Variants in RABGAP1 observed in about 807,000 individuals in gnomAD.
RABGAP1 encodes RAB GTPase activating protein 1.
Under a neutral mutation model 137.6 loss-of-function variants are expected in RABGAP1, and 23 were observed. The ratio of observed to expected loss-of-function variants is 0.17; its 90% confidence interval spans 0.12 to 0.24. The LOEUF is 0.24. Among genes scored for constraint, RABGAP1 ranks in the 10% least tolerant of loss-of-function variants. The probability of loss-of-function intolerance (pLI) is 1.00; values close to 1 mark genes in which losing one functional copy is unlikely to be tolerated. For missense variants in RABGAP1, 906 were observed against 1,275.8 expected, an observed-to-expected ratio of 0.71 and a Z score of 4.42; for synonymous variants, 451 against 450.7, an observed-to-expected ratio of 1.00 and a Z score of -0.01.
chr9:123,001,442 G>T (rs1195093821), intron 10 of RABGAP1, among the ~76,000 whole-genome samples: 1 of 152,150 alleles, frequency 6.6e-6, no homozygotes, highest in Non-Finnish European at 1.5e-5. Context: ...TCGATAGCAA[G>T]AATTTTGATT....
intron 19 of RABGAP1, among the ~76,000 whole-genome samples, chr9:123,081,400 C>T (rs368014357): frequency 1.3e-5 from 2 of 152,098 alleles, no homozygotes; most frequent in East Asian, 3.9e-4. Flanking sequence ...CCTCACATGC[C>T]AGTCTAGGAA....
upstream of RABGAP1, among the ~76,000 whole-genome samples, chr9:122,936,639 C>A (rs1426103471): frequency 6.6e-6 from 1 of 152,150 alleles, no homozygotes; most frequent in African/African-American, 2.4e-5. Flanking sequence ...TACTGGCTGT[C>A]GACACTCTGG....
intron 25 of RABGAP1, 71 bp from the exon 26 acceptor site, chr9:123,103,020 G>T: frequency 6.4e-7 from 1 of 1,551,340 alleles, no homozygotes; most frequent in Non-Finnish European, 8.7e-7. Flanking sequence ...TTCTTGTCTT[G>T]GTTCTCCTCT....
At chr9:122,952,827 A>G (rs1834321712) in intron 1 of RABGAP1, among the ~76,000 whole-genome samples, 1 of 152,154 alleles carries the variant, frequency 6.6e-6, no homozygotes, top group African/African-American at 2.4e-5. Flanking sequence ...ACTTCTATAA[A>G]AGGAGGAGAC....
intron 1 of RABGAP1, among the ~76,000 whole-genome samples, chr9:122,954,600 T>TGG (rs1293794515): frequency 6.6e-6 from 1 of 152,162 alleles, no homozygotes; most frequent in Non-Finnish European, 1.5e-5. Flanking sequence ...TAGACCACTT[T>TGG]CCCAGGCCCT....
chr9:123,035,516 G>A (rs375632888), intron 13 of RABGAP1: 10 of 1,613,512 alleles, frequency 6.2e-6, no homozygotes, highest in East Asian at 2.2e-5. Context: ...GGACTAAAGC[G>A]CCTCTCAGGG....
chr9:123,043,760 T>A (rs572958011), intron 13 of RABGAP1, among the ~76,000 whole-genome samples: 1 of 152,100 alleles, frequency 6.6e-6, no homozygotes, highest in Admixed American at 6.5e-5. Flanking sequence ...TATTCAGAAG[T>A]ATGAATTAAA....
Position 122,964,589 on chromosome 9 carries a change from A to G in RABGAP1, c.150+7380A>G, listed in dbSNP as rs541036721. 3.9e-5 allele frequency among the ~76,000 whole-genome samples: 6 copies of G among 152,334 alleles called. No homozygotes were observed. In the East Asian group the frequency reaches 1.2e-3, roughly 29 times the overall value. ...GGAACATTTCAACCTGATAAAGGAC[A>G]TTTACAGAAAGCTCACAGGTAAAAT... is the stretch of plus-strand genomic sequence containing the variant. On this transcript the variant is annotated intron_variant, in intron 2 of 25. Transcript: ENST00000373647.
chr9:123,069,803 GA>G (rs1295817896), intron 14 of RABGAP1, among the ~76,000 whole-genome samples: 1 of 152,068 alleles, frequency 6.6e-6, no homozygotes, highest in Non-Finnish European at 1.5e-5. Context: ...AGGATCCCTT[GA>G]GCCCAGGAGG....
chr9:123,089,276 G>C (rs934824862), intron 19 of RABGAP1, among the ~76,000 whole-genome samples: 4 of 152,118 alleles, frequency 2.6e-5, no homozygotes, highest in Admixed American at 2.6e-4. Context: ...TCAAATCCCA[G>C]ATCTCCCAGT....
intron 13 of RABGAP1, among the ~76,000 whole-genome samples, chr9:123,038,326 C>G (rs2032777269): frequency 6.6e-6 from 1 of 152,026 alleles, no homozygotes; most frequent in Non-Finnish European, 1.5e-5. Context: ...TTACTTTTTA[C>G]TTGAATAATG....
intron 13 of RABGAP1, among the ~76,000 whole-genome samples, chr9:123,043,883 C>T (rs774692394): frequency 2.5e-4 from 37 of 150,534 alleles, no homozygotes; most frequent in Non-Finnish European, 4.7e-4. Flanking sequence ...TTTTCACTTA[C>T]GTAGGTGTAT....
At chr9:123,004,855 A>C (rs1328849743) in intron 10 of RABGAP1, among the ~76,000 whole-genome samples, 1 of 151,856 alleles carries the variant, frequency 6.6e-6, no homozygotes, top group African/African-American at 2.4e-5. Flanking sequence ...TCAGGAGTTC[A>C]AGACCAGCCT....
At chr9:123,042,079 G>A (rs954928682) in intron 13 of RABGAP1, among the ~76,000 whole-genome samples, 1 of 152,190 alleles carries the variant, frequency 6.6e-6, no homozygotes, top group African/African-American at 2.4e-5. Context: ...AACTAAAGGT[G>A]TGCTTTGTTG....
chr9:123,026,926 C>G (rs2032003155), intron 13 of RABGAP1, among the ~76,000 whole-genome samples: 4 of 152,114 alleles, frequency 2.6e-5, no homozygotes, highest in Non-Finnish European at 2.9e-5. Flanking sequence ...AATGAAATAG[C>G]AACCTATTCT....
intron 10 of RABGAP1, among the ~76,000 whole-genome samples, chr9:123,001,951 G>T (rs1837343308): frequency 6.6e-6 from 1 of 152,178 alleles, no homozygotes; most frequent in South Asian, 2.1e-4. Flanking sequence ...AGCCCCGGGA[G>T]AAGAACGCAT....
intron 13 of RABGAP1, among the ~76,000 whole-genome samples, chr9:123,038,902 T>A (rs2032809709): frequency 6.6e-6 from 1 of 152,064 alleles, no homozygotes; most frequent in African/African-American, 2.4e-5. Flanking sequence ...AATAAAAAAA[T>A]GTAGGCTTCT....
chr9:123,017,088 T>C (rs2031288797), intron 12 of RABGAP1, among the ~76,000 whole-genome samples: 2 of 152,226 alleles, frequency 1.3e-5, no homozygotes, highest in South Asian at 4.1e-4. Flanking sequence ...ACAAAACTTC[T>C]GGTGCTCTTG....
At chr9:123,031,302 C>T (rs976969909) in intron 13 of RABGAP1, among the ~76,000 whole-genome samples, 2 of 152,110 alleles carry the variant, frequency 1.3e-5, no homozygotes, top group Non-Finnish European at 2.9e-5. Context: ...TCCTTTATTC[C>T]GTATTTATTA....
Sources: gnomAD v4.1 joint callset for allele counts (sites outside exome capture counted in the v4.1 genomes callset) on GRCh38, gnomAD v4.1.1 for gene constraint, MANE v1.5 for transcripts, NCBI Gene and HGNC (gene_info 2026-07-23, HGNC 2026-07-21) for gene names.